The following AFG2A variants were observed in gnomAD, a reference collection of about 807,000 sequenced individuals.
The protein encoded by AFG2A is AAA ATPase AFG2A, also known as ATPase family gene 2 protein homolog A.
At chr4:123,108,875 T>A in the AFG2A span, among the ~76,000 whole-genome samples, 2 of 152,180 alleles carry the variant, frequency 1.3e-5, no homozygotes, top group South Asian at 2.1e-4. Context: ...CATTTTTTTT[T>A]AAATATGTGT....
chr4:122,933,358 C>A, the AFG2A span: 65 of 1,057,000 alleles, frequency 6.1e-5, no homozygotes, highest in Middle Eastern at 2.1e-4. Flanking sequence ...ATATTATAAC[C>A]ATATACATGT....
chr4:123,079,834 C>A, the AFG2A span, among the ~76,000 whole-genome samples: 66,279 of 145,324 alleles, frequency 0.46, 17,896 homozygotes, highest in Non-Finnish European at 0.6. Flanking sequence ...ACTGCAACCT[C>A]CGCTTCCTGG....
chr4:123,146,392 C>T, the AFG2A span, among the ~76,000 whole-genome samples: 1 of 152,092 alleles, frequency 6.6e-6, no homozygotes, highest in African/African-American at 2.4e-5. Context: ...AATTTGTTGG[C>T]TTAGAATTAA....
the AFG2A span, among the ~76,000 whole-genome samples, chr4:123,304,767 C>T: frequency 1.3e-5 from 2 of 152,178 alleles, no homozygotes; most frequent in East Asian, 3.9e-4. Context: ...ACAGCGGGGG[C>T]AGCAGCCAGG....
At chr4:123,063,609 G>T in the AFG2A span, among the ~76,000 whole-genome samples, 1 of 152,082 alleles carries the variant, frequency 6.6e-6, no homozygotes, top group African/African-American at 2.4e-5. Flanking sequence ...AGCTGGGCGT[G>T]GTGGCAGACG....
chr4:123,119,846 A>T, the AFG2A span, among the ~76,000 whole-genome samples: 1 of 152,182 alleles, frequency 6.6e-6, no homozygotes, highest in Non-Finnish European at 1.5e-5. Context: ...ACAGTTTAGC[A>T]TGGCTGAGCA....
At chr4:123,023,632 A>G in the AFG2A span, among the ~76,000 whole-genome samples, 8 of 152,170 alleles carry the variant, frequency 5.3e-5, no homozygotes, top group Non-Finnish European at 1.2e-4. Context: ...CTTGATAGTC[A>G]TATAAATTCA....
the AFG2A span, among the ~76,000 whole-genome samples, chr4:123,290,404 T>C: frequency 6.6e-6 from 1 of 152,184 alleles, no homozygotes; most frequent in South Asian, 2.1e-4. Flanking sequence ...AATTTCATTC[T>C]CCTGTGTATG....
chr4:123,026,054 G>T, the AFG2A span, among the ~76,000 whole-genome samples: 2 of 151,832 alleles, frequency 1.3e-5, no homozygotes, highest in Admixed American at 1.3e-4. Flanking sequence ...TAAAATTAAG[G>T]ATTCTCAGGG....
chr4:122,927,778 C>T, the AFG2A span: 1 of 1,609,150 alleles, frequency 6.2e-7, no homozygotes, highest in Non-Finnish European at 8.5e-7. Flanking sequence ...TTTTTCATTT[C>T]CTTAGTTTAG....
At chr4:123,181,253 G>T in the AFG2A span, among the ~76,000 whole-genome samples, 1 of 151,808 alleles carries the variant, frequency 6.6e-6, no homozygotes, top group African/African-American at 2.4e-5. Context: ...CAAAGTGCTG[G>T]GATTACAGGT....
chr4:123,080,051 C>G, the AFG2A span, among the ~76,000 whole-genome samples: 1 of 152,076 alleles, frequency 6.6e-6, no homozygotes, highest in East Asian at 1.9e-4. Flanking sequence ...ACCTGGCCAA[C>G]TCCAACCTTC....
the AFG2A span, chr4:123,256,676 C>A: frequency 2.0e-6 from 2 of 984,674 alleles, no homozygotes; most frequent in Non-Finnish European, 2.4e-6. Context: ...TTATCTCAGT[C>A]TAATTTTGTA....
At chr4:123,226,879 A>C in the AFG2A span, among the ~76,000 whole-genome samples, 1 of 152,232 alleles carries the variant, frequency 6.6e-6, no homozygotes, top group Admixed American at 6.5e-5. Context: ...TTATTGCCTC[A>C]ATTTCAGAGC....
At chr4:123,284,542 T>C in the AFG2A span, among the ~76,000 whole-genome samples, 8 of 152,208 alleles carry the variant, frequency 5.3e-5, no homozygotes, top group African/African-American at 1.7e-4. Context: ...TCAGCATGAT[T>C]AGGGGGTGAC....
At chr4:123,193,547 G>A in the AFG2A span, among the ~76,000 whole-genome samples, 1 of 151,930 alleles carries the variant, frequency 6.6e-6, no homozygotes, top group Non-Finnish European at 1.5e-5. Flanking sequence ...TTTTTATTTA[G>A]CACCAATAAA....
chr4:122,936,233 C>G, the AFG2A span: 1 of 1,097,254 alleles, frequency 9.1e-7, no homozygotes, highest in Non-Finnish European at 1.3e-6. Context: ...GCACCTTATA[C>G]AAAGCATAAA....
chr4:123,286,057 C>T, the AFG2A span, among the ~76,000 whole-genome samples: 6 of 152,090 alleles, frequency 3.9e-5, no homozygotes, highest in Non-Finnish European at 8.8e-5. Flanking sequence ...ATTTCAGACT[C>T]CTCGAGGTTT....
At chr4:123,173,473 AGCCTCCCGAGTAGCTGG>A in the AFG2A span, among the ~76,000 whole-genome samples, 1 of 143,226 alleles carries the variant, frequency 7.0e-6, no homozygotes, top group Non-Finnish European at 1.5e-5. Context: ...CTTCTGCCTC[AGCCTCCCGAGTAGCTGG>A]GCTTACAGGC....
Sources: gnomAD v4.1 joint callset for allele counts (sites outside exome capture counted in the v4.1 genomes callset) on GRCh38, gnomAD v4.1.1 for gene constraint, MANE v1.5 for transcripts, NCBI Gene and HGNC (gene_info 2026-07-23, HGNC 2026-07-21) for gene names.